GRXCR2: variants seen among roughly 807,000 people sequenced by gnomAD.
GRXCR2 encodes the protein glutaredoxin and cysteine rich domain containing 2, also known as glutaredoxin domain-containing cysteine-rich protein 2.
A neutral mutation model predicts 24.8 loss-of-function variants in GRXCR2; 23 were observed. The ratio of observed to expected loss-of-function variants is 0.93; its 90% CI spans 0.67 to 1.32. The LOEUF (loss-of-function observed/expected upper bound fraction) is 1.32, where lower values mean the gene tolerates loss of function less well. Among genes scored for constraint, GRXCR2 ranks in the 40% most tolerant of loss-of-function variants. The pLI is 0.00. For missense variants in GRXCR2, 315 were observed against 303.4 expected, an observed-to-expected ratio of 1.04 and a Z score of -0.28; for synonymous variants, 130 against 116.1, an observed-to-expected ratio of 1.12 and a Z score of -0.77.
chr5:145,878,868 C>T (rs1374098566), intron 2 of GRXCR2, among the ~76,000 whole-genome samples: 2 of 152,110 alleles, frequency 1.3e-5, no homozygotes, highest in African/African-American at 4.8e-5. Flanking sequence ...ACCCTACAAG[C>T]CAGAAGAGAG....
intron 2 of GRXCR2, among the ~76,000 whole-genome samples, chr5:145,899,077 T>C (rs546781792): frequency 6.6e-6 from 1 of 152,190 alleles, no homozygotes; most frequent in East Asian, 1.9e-4. Context: ...AAAATCAATG[T>C]ACAAAAGTCA....
intron 2 of GRXCR2, among the ~76,000 whole-genome samples, chr5:145,894,380 C>T (rs552473075): frequency 0.022 from 3,307 of 152,028 alleles, 58 homozygotes; most frequent in Non-Finnish European, 0.032. Context: ...ATTGATAGAC[C>T]GCTAGCAAGA....
At chr5:145,917,865 C>T (rs1447436795) in intron 2 of GRXCR2, among the ~76,000 whole-genome samples, 3 of 152,148 alleles carry the variant, frequency 2.0e-5, no homozygotes, top group Non-Finnish European at 2.9e-5. Flanking sequence ...CTGCAACCTC[C>T]GCCTCCTGGG....
chr5:145,924,445 T>C (rs1757363928), intron 2 of GRXCR2, among the ~76,000 whole-genome samples: 1 of 152,338 alleles, frequency 6.6e-6, no homozygotes, highest in Middle Eastern at 3.4e-3. Flanking sequence ...CCCTTTCTGT[T>C]TCAGGCTTAT....
At chr5:145,905,621 T>C (rs1470184762) in intron 2 of GRXCR2, among the ~76,000 whole-genome samples, 1 of 152,098 alleles carries the variant, frequency 6.6e-6, no homozygotes, top group Non-Finnish European at 1.5e-5. Context: ...AAATAAAGTA[T>C]TATGGAGAGA....
At chr5:145,897,897 C>A (rs961400228) in intron 2 of GRXCR2, among the ~76,000 whole-genome samples, 3 of 152,002 alleles carry the variant, frequency 2.0e-5, no homozygotes, top group African/African-American at 7.2e-5. Context: ...TCTAACATCA[C>A]ACCTAGAGGA....
chr5:145,882,682 A>G (rs965590329), intron 2 of GRXCR2, among the ~76,000 whole-genome samples: 13 of 152,230 alleles, frequency 8.5e-5, no homozygotes, highest in African/African-American at 3.1e-4. Flanking sequence ...GTATATACCC[A>G]AAGGATTATA....
At chr5:145,889,164 G>T (rs1219887622) in intron 2 of GRXCR2, among the ~76,000 whole-genome samples, 2 of 108,516 alleles carry the variant, frequency 1.8e-5, no homozygotes, top group African/African-American at 7.5e-5. Context: ...CCGAGACTCT[G>T]TCTCAAAAAA....
intron 2 of GRXCR2, among the ~76,000 whole-genome samples, chr5:145,922,995 C>A (rs759385839): frequency 1.3e-5 from 2 of 152,162 alleles, no homozygotes; most frequent in East Asian, 3.9e-4. Flanking sequence ...ATAGACAGTT[C>A]TCAAAAGGTG....
At chr5:145,901,355 T>C (rs896242958) in intron 2 of GRXCR2, among the ~76,000 whole-genome samples, 5 of 152,118 alleles carry the variant, frequency 3.3e-5, no homozygotes, top group African/African-American at 1.2e-4. Context: ...TATATAGAAC[T>C]CCTTCATTGA....
At chr5:145,870,719 A>G (rs960148084) in intron 1 of GRXCR2, among the ~76,000 whole-genome samples, 3 of 152,188 alleles carry the variant, frequency 2.0e-5, no homozygotes, top group Non-Finnish European at 1.5e-5. Context: ...CCACATTGAC[A>G]AATGATTCCA....
intron 2 of GRXCR2, among the ~76,000 whole-genome samples, chr5:145,903,970 G>A (rs1561687441): frequency 6.6e-6 from 1 of 152,162 alleles, no homozygotes; most frequent in Non-Finnish European, 1.5e-5. Flanking sequence ...AATGTTGACT[G>A]TAAATACTCC....
At chr5:145,873,562 T>G (rs1323177043), upstream of GRXCR2, among the ~76,000 whole-genome samples, 1 of 152,152 alleles carries the variant, frequency 6.6e-6, no homozygotes. Context: ...TGAACCCAGA[T>G]CTATCTGACT....
intron 1 of GRXCR2, among the ~76,000 whole-genome samples, chr5:145,872,072 C>T (rs1027390289): frequency 2.6e-5 from 4 of 152,174 alleles, no homozygotes; most frequent in African/African-American, 9.7e-5. Flanking sequence ...ATAACATATC[C>T]TCTGGCTGAT....
At chr5:145,902,951 G>T (rs185498207) in intron 2 of GRXCR2, among the ~76,000 whole-genome samples, 2 of 152,320 alleles carry the variant, frequency 1.3e-5, no homozygotes, top group African/African-American at 4.8e-5. Context: ...CACTTAGACA[G>T]TCTAACCTTA....
chr5:145,863,642 C>A (rs1191094353), intron 2 of GRXCR2, among the ~76,000 whole-genome samples: 1 of 152,134 alleles, frequency 6.6e-6, no homozygotes, highest in Non-Finnish European at 1.5e-5. Context: ...CGGTCATCTG[C>A]CTGCTGCCAG....
intron 2 of GRXCR2, among the ~76,000 whole-genome samples, chr5:145,904,693 G>A (rs897198705): frequency 2.6e-5 from 4 of 152,204 alleles, no homozygotes; most frequent in African/African-American, 9.7e-5. Flanking sequence ...TGATGTTTCT[G>A]TTACCTATTT....
intron 2 of GRXCR2, among the ~76,000 whole-genome samples, chr5:145,902,219 A>G (rs1215157452): frequency 1.3e-5 from 2 of 152,096 alleles, no homozygotes; most frequent in Non-Finnish European, 2.9e-5. Flanking sequence ...TCAGCCTCCC[A>G]AGTAGCTAGG....
intron 2 of GRXCR2, among the ~76,000 whole-genome samples, chr5:145,865,668 C>T (rs2149909400): frequency 6.6e-6 from 1 of 152,294 alleles, no homozygotes; most frequent in South Asian, 2.1e-4. Context: ...TCACTTTCAG[C>T]ACATTGCAAC....
Sources: gnomAD v4.1 joint callset for allele counts (sites outside exome capture counted in the v4.1 genomes callset) on GRCh38, gnomAD v4.1.1 for gene constraint, MANE v1.5 for transcripts, NCBI Gene and HGNC (gene_info 2026-07-23, HGNC 2026-07-21) for gene names.